Variants in WASHC2A observed in about 807,000 individuals in gnomAD.
WASHC2A encodes WASH complex subunit FAM21A.
Under a neutral mutation model 140.3 loss-of-function variants are expected in WASHC2A, and 82 were observed. The ratio of observed to expected loss-of-function variants is 0.58; its 90% confidence interval spans 0.49 to 0.70. The LOEUF (loss-of-function observed/expected upper bound fraction) is 0.70, where lower values mean the gene tolerates loss of function less well. WASHC2A is among the 30% of genes least tolerant of loss of function. The pLI, the probability that WASHC2A is intolerant of heterozygous loss-of-function variation, is 0.00. For synonymous variants in WASHC2A, 340 were observed against 560.8 expected, an observed-to-expected ratio of 0.61 and a Z score of 5.56; for missense variants, 985 against 1,521.8, an observed-to-expected ratio of 0.65 and a Z score of 5.87.
Position 50,069,792 on chromosome 10 carries a change from C to T in WASHC2A, c.291+81C>T. The T allele has an allele frequency of 2.8e-6, 4 of 1,427,712 alleles. No individual in the cohort carries two copies. The South Asian group carries it at 6.5e-5, about 23-fold the overall frequency. The allele number at this position is 1,427,712 out of a possible 1,614,324, so 88.4% of individuals were successfully genotyped here. On this transcript the variant is annotated intron_variant, in intron 3 of 30. Coordinates refer to ENST00000282633, the MANE Select transcript of WASHC2A (RefSeq NM_001005751.3). ...TTTAAATAACTTACTGTTAGGTTCCCTCCTAAATTTTGGTGGAAGTGTGGT... is the reference window on the plus strand; with the variant it reads ...TTTAAATAACTTACTGTTAGGTTCCTTCCTAAATTTTGGTGGAAGTGTGGT...
chr10:50,090,741 A>C, intron 8 of WASHC2A, 35 bp from the exon 9 acceptor site: 1 of 1,578,184 alleles, frequency 6.3e-7, no homozygotes, highest in Non-Finnish European at 8.6e-7. Flanking sequence ...TAGCTTAATA[A>C]CTAGTAGTTC....
In WASHC2A at chr10:50,069,575, A is replaced by G. The variant is rs1554875461; in HGVS notation, c.155A>G (p.Gln52Arg). The G allele has an allele frequency of 3.1e-6, 5 of 1,613,470 alleles. No homozygotes were observed. The highest frequency in any genetic ancestry group is 3.4e-6 in the Non-Finnish European group (4 of 1,179,792). ...CTACAGTTTCTACAGGAATTCTCAC[A>G]GCAAACTATCTCTAGGACCCATGAA... ...GLLQFLQEFS[Q>R]QTISRTHEIK... Residue 52 changes from glutamine (Q) to arginine (R), a missense_variant, in exon 3 of 31, where the codon CAG (glutamine) becomes CGG (arginine). Gln to Arg is a conservative substitution (Grantham distance 43). Transcript: ENST00000282633.
At chr10:50,130,569 A>G (rs1326910977) in intron 29 of WASHC2A, among the ~76,000 whole-genome samples, 6 of 152,116 alleles carry the variant, frequency 3.9e-5, no homozygotes, top group African/African-American at 1.4e-4. Flanking sequence ...ATCAAATACA[A>G]ACAGGGCAAT....
intron 3 of WASHC2A, among the ~76,000 whole-genome samples, chr10:50,074,614 G>C (rs1258486421): frequency 6.6e-6 from 1 of 152,080 alleles, no homozygotes; most frequent in Non-Finnish European, 1.5e-5. Flanking sequence ...CAGACATCAG[G>C]CTTAAAAGAA....
chr10:50,125,567 T>G, intron 25 of WASHC2A, 118 bp downstream of exon 25: 1 of 1,603,634 alleles, frequency 6.2e-7, no homozygotes, highest in Non-Finnish European at 8.5e-7. Context: ...TCCTACTAAA[T>G]GAATGGCAAA....
chr10:50,127,749 G>A lies in WASHC2A; in HGVS notation c.3041G>A (p.Ser1014Asn). Residue 1014 changes from serine (S) to asparagine (N), a missense_variant, in exon 28 of 31, where the codon AGT (serine) becomes AAT (asparagine). Physicochemically the swap from Ser to Asn is conservative, Grantham distance 46. Transcript: ENST00000282633. Reference protein sequence around the residue: ...VLPGSGEAGVSFDLPAQADTL... With the variant: ...VLPGSGEAGVNFDLPAQADTL... Reference sequence around the variant, plus strand: ...CCCGGGAGTGGGGAGGCCGGTGTGAGTTTTGATCTTCCAGCTCAGGCAGAC... The same window carrying A: ...CCCGGGAGTGGGGAGGCCGGTGTGAATTTTGATCTTCCAGCTCAGGCAGAC... 1.3e-6 allele frequency: 2 copies of A among 1,554,462 alleles called. No homozygotes were observed. The highest frequency in any genetic ancestry group is 1.7e-6 in the Non-Finnish European group (2 of 1,145,480).
intron 17 of WASHC2A, among the ~76,000 whole-genome samples, 157 bp from the exon 18 acceptor site, chr10:50,103,885 A>G (rs1242560654): frequency 4.6e-5 from 7 of 151,820 alleles, no homozygotes; most frequent in East Asian, 1.9e-4. Flanking sequence ...CCTGAGGCCT[A>G]TCCCTTTAAG....
intron 20 of WASHC2A, among the ~76,000 whole-genome samples, chr10:50,110,676 A>G (rs1222588467): frequency 6.6e-6 from 1 of 152,006 alleles, no homozygotes; most frequent in Non-Finnish European, 1.5e-5. Flanking sequence ...GCGGATCACG[A>G]TGTCAGGAGT....
intron 28 of WASHC2A, among the ~76,000 whole-genome samples, chr10:50,128,144 A>G (rs1286687676): frequency 1.3e-5 from 2 of 150,978 alleles, no homozygotes; most frequent in Admixed American, 6.6e-5. Context: ...CACTACTCCA[A>G]GGAGAGCATT....
At chr10:50,097,936 T>C in intron 16 of WASHC2A, 134 bp downstream of exon 16, 1 of 1,362,392 alleles carries the variant, frequency 7.3e-7, no homozygotes, top group South Asian at 1.5e-5. Flanking sequence ...GGAAAGAACA[T>C]TGCAGTGAAC....
intron 3 of WASHC2A, among the ~76,000 whole-genome samples, chr10:50,077,666 T>G (rs1247309487): frequency 6.6e-6 from 1 of 152,200 alleles, no homozygotes; most frequent in Non-Finnish European, 1.5e-5. Flanking sequence ...TTTAAAAAAT[T>G]TTAATTTCAT....
chr10:50,116,400 C>T (rs1366299041), intron 21 of WASHC2A, among the ~76,000 whole-genome samples: 2 of 91,734 alleles, frequency 2.2e-5, no homozygotes, highest in African/African-American at 4.6e-5. Context: ...CTGCAAGCTC[C>T]GCCTCCCGGG....
intron 25 of WASHC2A, 62 bp downstream of exon 25, chr10:50,125,511 C>T (rs1354394041): frequency 4.2e-5 from 68 of 1,610,846 alleles, no homozygotes; most frequent in African/African-American, 1.5e-4. Context: ...AGGAAACTAA[C>T]GTCCAGTTAG....
At chr10:50,109,204 A>C (rs1265158023) in intron 19 of WASHC2A, among the ~76,000 whole-genome samples, 15 of 152,314 alleles carry the variant, frequency 9.8e-5, no homozygotes, top group African/African-American at 3.1e-4. Context: ...GACTCCAGAG[A>C]TAGAGCACTT....
chr10:50,094,023 G>A, intron 13 of WASHC2A, 106 bp downstream of exon 13: 2 of 1,585,888 alleles, frequency 1.3e-6, no homozygotes, highest in South Asian at 1.1e-5. Flanking sequence ...TCTGTGTTAA[G>A]CAGGAAGCTG....
At chr10:50,111,888 C>T (rs1444396921) in intron 20 of WASHC2A, among the ~76,000 whole-genome samples, 2 of 152,020 alleles carry the variant, frequency 1.3e-5, no homozygotes, top group African/African-American at 2.4e-5. Flanking sequence ...ATGAGCTGGG[C>T]GTCATGTCAC....
chr10:50,131,930 G>A (rs1844011960), intron 30 of WASHC2A, among the ~76,000 whole-genome samples: 1 of 152,182 alleles, frequency 6.6e-6, no homozygotes, highest in African/African-American at 2.4e-5. Context: ...ACCCCTAGAG[G>A]TAATAGTAAC....
intron 17 of WASHC2A, among the ~76,000 whole-genome samples, chr10:50,103,631 CATTA>C (rs1443883126): frequency 1.3e-5 from 2 of 152,074 alleles, no homozygotes; most frequent in Non-Finnish European, 2.9e-5. Flanking sequence ...GTTGTAGCTC[CATTA>C]ATTTGGGAAT....
Position 50,106,340 on chromosome 10 carries a change from C to G in WASHC2A, c.1744C>G (p.Leu582Val), listed in dbSNP as rs1368156202. ...LFDDEDEEDN[L>V]FGGTAAKKQT... ...CTGCCATTTGCTTTTCTAGGATAATCTTTTTGGGGGTACAGCTGCTAAGAA... is the reference window on the plus strand; with the variant it reads ...CTGCCATTTGCTTTTCTAGGATAATGTTTTTGGGGGTACAGCTGCTAAGAA... The change falls in exon 19 of 31, where the codon CTT becomes GTT. Residue 582 changes from leucine to valine, a missense_variant. Physicochemically the swap from Leu to Val is conservative, Grantham distance 32. Coordinates refer to ENST00000282633, the MANE Select transcript of WASHC2A (RefSeq NM_001005751.3). 6.2e-7 allele frequency: 1 copy of G among 1,611,614 alleles called. No individual in the cohort carries two copies. The highest frequency in any genetic ancestry group is 1.3e-5 in the African/African-American group (1 of 74,762).
Sources: allele counts gnomAD v4.1 joint callset (sites outside exome capture counted in the v4.1 genomes callset), GRCh38; gene constraint gnomAD v4.1.1; transcripts MANE v1.5; gene names NCBI Gene and HGNC (gene_info 2026-07-23, HGNC 2026-07-21).